Variants in PSMB1 observed in about 807,000 individuals in gnomAD.
PSMB1 encodes proteasome subunit beta type-1.
A neutral mutation model predicts 25.4 loss-of-function variants in PSMB1; 7 were observed. That is an observed-to-expected ratio of 0.28 (90% CI 0.16 to 0.52). PSMB1 has a LOEUF of 0.52. Ranked by LOEUF, PSMB1 falls within the 20% of genes least tolerant of loss-of-function variation. The pLI is 0.97. For missense variants in PSMB1, 284 were observed against 302.2 expected (o/e 0.94, Z 0.45); for synonymous variants, 119 against 115.0 (o/e 1.03, Z -0.22).
intron 5 of PSMB1, chr6:170,536,497 A>G (rs1218853217): frequency 2.2e-6 from 1 of 456,434 alleles, no homozygotes; most frequent in African/African-American, 2.0e-5. Context: ...GAATTGCTTG[A>G]TATGTACTGT....
At chr6:170,541,860 T>C (rs1240905793) in intron 4 of PSMB1, among the ~76,000 whole-genome samples, 2 of 152,196 alleles carry the variant, frequency 1.3e-5, no homozygotes, top group Admixed American at 6.5e-5. Context: ...CTTTCCCAGA[T>C]TAGACTCTCT....
rs1318207069 is a variant in PSMB1 at position 170,535,417 on chromosome 6, T to C, written c.541-12A>G. ...TTCTTAAAACCAACCTGGTGGGACA[T>C]GAAACTTGGGTGAGATGTCATGTGA... On this transcript the variant is annotated splice_polypyrimidine_tract_variant and intron_variant, in intron 5 of 5. Coordinates refer to ENST00000262193, the MANE Select transcript of PSMB1 (RefSeq NM_002793.4). 3 of 1,607,308 alleles carry C rather than the reference T, an allele frequency of 1.9e-6. No homozygotes were observed. Among genetic ancestry groups the C allele is most frequent in the Non-Finnish European group, 1.7e-6 (2 of 1,175,608 alleles).
chr6:170,539,965 G>A (rs1778737237), intron 4 of PSMB1, among the ~76,000 whole-genome samples: 1 of 152,136 alleles, frequency 6.6e-6, no homozygotes, highest in African/African-American at 2.4e-5. Flanking sequence ...AATACATAAT[G>A]TATAGTTACA....
rs765433248 is a variant in PSMB1 at position 170,553,281 on chromosome 6, A to C, written c.-39T>G. 7 of 1,488,574 alleles carry C rather than the reference A, an allele frequency of 4.7e-6. No individual in the cohort carries two copies. Among genetic ancestry groups the C allele is most frequent in the Non-Finnish European group, 6.5e-6 (7 of 1,078,454 alleles). The allele number at this position is 1,488,574 out of a possible 1,614,324, so 92.2% of individuals were successfully genotyped here. On this transcript the variant is annotated 5_prime_UTR_variant, in exon 1 of 6. Coordinates refer to ENST00000262193, the MANE Select transcript of PSMB1 (RefSeq NM_002793.4). ...CTGCGGATCCGACACTTGCTGTCTC[A>C]CGGCGAGATGGCTGCCTTGACCGGA...
chr6:170,553,016 G>A, intron 1 of PSMB1, 114 bp downstream of exon 1: 1 of 892,640 alleles, frequency 1.1e-6, no homozygotes, highest in Non-Finnish European at 1.7e-6. Context: ...TCAGCTCAGG[G>A]TTCTGAGGCC....
intron 5 of PSMB1, chr6:170,536,198 C>CA (rs1336960895): frequency 3.0e-6 from 1 of 328,068 alleles, no homozygotes; most frequent in Non-Finnish European, 6.0e-6. Context: ...TTGAAAAACT[C>CA]AGATGAGCCA....
At position 170,543,744 on chromosome 6, in the gene PSMB1, T is replaced by C. The variant is rs773282304; in HGVS notation, c.304-14A>G. 6.2e-7 allele frequency: 1 copy of C among 1,601,922 alleles called. No homozygotes were observed. Among genetic ancestry groups the C allele is most frequent in the South Asian group, 1.1e-5 (1 of 89,122 alleles). ...ATGCTTATACATCTGCAATTATTGA[T>C]AAAAGTCACAGGCATGTAGAGGCAG... On this transcript the variant is annotated splice_polypyrimidine_tract_variant and intron_variant, in intron 3 of 5. Coordinates refer to ENST00000262193, the MANE Select transcript of PSMB1 (RefSeq NM_002793.4).
chr6:170,548,984 G>A, intron 2 of PSMB1, 22 bp downstream of exon 2: 4 of 1,493,312 alleles, frequency 2.7e-6, no homozygotes, highest in East Asian at 2.3e-5. Flanking sequence ...ATTGTGAAAT[G>A]TCTTTAGAAA....
At chr6:170,548,334 G>T (rs1329717067) in intron 2 of PSMB1, among the ~76,000 whole-genome samples, 1 of 152,068 alleles carries the variant, frequency 6.6e-6, no homozygotes, top group African/African-American at 2.4e-5. Flanking sequence ...TCCAAAACTG[G>T]TAAATACAGA....
In PSMB1 at chr6:170,553,141, A is replaced by G; in HGVS notation, c.102T>C (p.Val34=). Residue 34 remains valine (V), a synonymous_variant, in exon 1 of 6, where the codon GTT becomes GTC. Coordinates refer to ENST00000262193, the MANE Select transcript of PSMB1 (RefSeq NM_002793.4). ...TCTGGGGTTTTTACCCTCCGTTGAA[A>G]ACGTAGGGCGAAAATCGCAGCTGCA... ...GPLQLRFSPY[V]FNGGTILAIA... 1 of 1,611,970 alleles carries G rather than the reference A, an allele frequency of 6.2e-7. No individual in the cohort carries two copies. The highest frequency in any genetic ancestry group is 8.5e-7 in the Non-Finnish European group (1 of 1,179,034).
chr6:170,553,031 G>A, intron 1 of PSMB1, 99 bp downstream of exon 1: 1 of 1,085,502 alleles, frequency 9.2e-7, no homozygotes, highest in Admixed American at 2.2e-5. Flanking sequence ...GAGGCCTGCA[G>A]GAGCCCGGGG....
At chr6:170,543,455 A>T in intron 4 of PSMB1, 146 bp downstream of exon 4, 1 of 850,482 alleles carries the variant, frequency 1.2e-6, no homozygotes. Flanking sequence ...CATTAGCTTC[A>T]GTTTCTTCAT....
intron 4 of PSMB1, among the ~76,000 whole-genome samples, chr6:170,542,426 T>C (rs911420472): frequency 2.0e-5 from 3 of 152,174 alleles, no homozygotes; most frequent in Non-Finnish European, 2.9e-5. Flanking sequence ...TGTTCTGTGA[T>C]GTGGCCAGCC....
rs192948093 is a variant in PSMB1, at chr6:170,551,102, G to T, written c.114-1989C>A. On this transcript the variant is annotated intron_variant, in intron 1 of 5. Transcript: ENST00000262193. The stretch of plus-strand genomic sequence containing the variant: ...GGTTGCAGTGAGCTGAGATCGCACC[G>T]CTGCACTCCGGCCTGGGTGACAGAG... 5.1e-4 allele frequency among the ~76,000 whole-genome samples: 77 copies of T among 152,162 alleles called. No individual in the cohort carries two copies. The East Asian group carries it at 0.011, about 22-fold the overall frequency.
chr6:170,538,112 G>C (rs867405315), intron 4 of PSMB1, among the ~76,000 whole-genome samples: 2 of 152,218 alleles, frequency 1.3e-5, no homozygotes, highest in Non-Finnish European at 2.9e-5. Flanking sequence ...TTTGAGCTCT[G>C]AATTAGAGGC....
chr6:170,552,903 A>G (rs1290340820), intron 1 of PSMB1, among the ~76,000 whole-genome samples: 2 of 152,270 alleles, frequency 1.3e-5, no homozygotes, highest in Admixed American at 1.3e-4. Flanking sequence ...CTAAAAACCA[A>G]GGCTGTATCG....
chr6:170,552,258 G>A (rs1450677954), intron 1 of PSMB1, among the ~76,000 whole-genome samples: 1 of 152,104 alleles, frequency 6.6e-6, no homozygotes, highest in African/African-American at 2.4e-5. Context: ...TTCAAATTGC[G>A]TGTGTATATT....
chr6:170,542,546 G>A (rs1778769758), intron 4 of PSMB1, among the ~76,000 whole-genome samples: 1 of 152,050 alleles, frequency 6.6e-6, no homozygotes, highest in African/African-American at 2.4e-5. Context: ...AATTACCCCT[G>A]TTGCTAAACA....
chr6:170,548,970 A>C, intron 2 of PSMB1, 36 bp downstream of exon 2: 1 of 1,398,698 alleles, frequency 7.1e-7, no homozygotes, highest in Non-Finnish European at 1.0e-6. Context: ...ATCATTACAA[A>C]GGCATTGTGA....
Sources: gnomAD v4.1 joint callset for allele counts (sites outside exome capture counted in the v4.1 genomes callset) on GRCh38, gnomAD v4.1.1 for gene constraint, MANE v1.5 for transcripts, NCBI Gene and HGNC (gene_info 2026-07-23, HGNC 2026-07-21) for gene names.